TRAK1: variants seen among roughly 807,000 people sequenced by gnomAD.
TRAK1 encodes trafficking kinesin-binding protein 1.
In TRAK1, 33 loss-of-function variants were observed where a neutral mutation model predicts 92.1. The observed-to-expected ratio is 0.36, with a 90% CI of 0.27 to 0.48. The LOEUF (loss-of-function observed/expected upper bound fraction) is 0.48. Among genes scored for constraint, TRAK1 ranks in the 20% least tolerant of loss-of-function variants. The pLI, the probability that TRAK1 is intolerant of heterozygous loss-of-function variation, is 0.99. For synonymous variants in TRAK1, 521 were observed against 517.3 expected, an observed-to-expected ratio of 1.01 and a Z score of -0.10; for missense variants, 1,123 against 1,257.9, an observed-to-expected ratio of 0.89 and a Z score of 1.62.
intron 1 of TRAK1, among the ~76,000 whole-genome samples, chr3:42,106,718 A>C (rs1707619516): frequency 6.6e-6 from 1 of 152,216 alleles, no homozygotes; most frequent in Non-Finnish European, 1.5e-5. Flanking sequence ...AAATTGGTTC[A>C]AGTGAATGTG....
chr3:42,127,006 T>C (rs1710647990), intron 2 of TRAK1, among the ~76,000 whole-genome samples: 1 of 152,206 alleles, frequency 6.6e-6, no homozygotes, highest in African/African-American at 2.4e-5. Context: ...GTACTCATAT[T>C]GAAGTTAAAG....
At chr3:42,028,266 A>C (rs1701994277) in intron 1 of TRAK1, among the ~76,000 whole-genome samples, 2 of 152,202 alleles carry the variant, frequency 1.3e-5, no homozygotes, top group Non-Finnish European at 2.9e-5. Context: ...TTATTCCGGA[A>C]ATACATGGTT....
intron 2 of TRAK1, among the ~76,000 whole-genome samples, chr3:42,157,644 C>T (rs374693703): frequency 6.6e-6 from 1 of 151,934 alleles, no homozygotes; most frequent in South Asian, 2.1e-4. Context: ...AAGTGAGGGA[C>T]CTTCTACAAA....
intron 14 of TRAK1, among the ~76,000 whole-genome samples, chr3:42,214,311 G>A (rs909010163): frequency 6.6e-6 from 1 of 152,172 alleles, no homozygotes; most frequent in Non-Finnish European, 1.5e-5. Flanking sequence ...GTGCTCTCTT[G>A]TGCTGGCCTT....
intron 2 of TRAK1, chr3:42,149,719 C>G (rs1699742652): frequency 7.8e-7 from 1 of 1,275,476 alleles, no homozygotes; most frequent in Admixed American, 2.2e-5. Context: ...GGTACCAGAA[C>G]TAGCACCACT....
Position 42,160,240 on chromosome 3 carries a change from G to C in TRAK1, c.287-16574G>C, listed in dbSNP as rs2149297991. 3 of 1,519,192 alleles carry C rather than the reference G, an allele frequency of 2.0e-6. No homozygotes were observed. The South Asian group carries it at 4.0e-5, about 20-fold the overall frequency. The allele number at this position is 1,519,192 out of a possible 1,614,324, so 94.1% of individuals were successfully genotyped here. A position where few individuals can be genotyped will look rare whatever the true frequency, so the allele number is the denominator to read the frequency against. On this transcript the variant is annotated intron_variant, in intron 2 of 15. Transcript: ENST00000327628. The stretch of plus-strand genomic sequence containing the variant: ...TGAGCCAGGGCATGTCTGCGGCCCA[G>C]GCCAGGGCGCAGTGTGTGCCCTGGG...
chr3:42,058,102 C>T (rs1276952321), intron 1 of TRAK1, among the ~76,000 whole-genome samples: 1 of 152,120 alleles, frequency 6.6e-6, no homozygotes, highest in Non-Finnish European at 1.5e-5. Flanking sequence ...ACTGCTCTGC[C>T]ACAGTGGGCA....
intron 1 of TRAK1, among the ~76,000 whole-genome samples, chr3:42,040,425 G>T (rs2148901097): frequency 6.6e-6 from 1 of 152,232 alleles, no homozygotes; most frequent in South Asian, 2.1e-4. Flanking sequence ...ATTCAGGTTT[G>T]TGATACATTT....
Position 42,178,294 on chromosome 3 carries a change from C to T in TRAK1, c.363+1404C>T, listed in dbSNP as rs1163351234. The stretch of plus-strand genomic sequence containing the variant: ...GCCACCGTCCATGCCCTCTGTGACC[C>T]GCTCACCCTTTCTGTAAAGCTCCTC... On this transcript the variant is annotated intron_variant, in intron 3 of 15. Coordinates refer to ENST00000327628, the MANE Select transcript of TRAK1 (RefSeq NM_001042646.3). Among the ~76,000 whole-genome samples the T allele has an allele frequency of 7.2e-5, 11 of 152,082 alleles. 1 individual carries two copies. The highest frequency in any genetic ancestry group is 1.2e-4 in the Non-Finnish European group (8 of 68,030).
At chr3:42,199,274 GTT>G (rs1707187633) in intron 11 of TRAK1, 21 bp downstream of exon 11, 1 of 1,613,518 alleles carries the variant, frequency 6.2e-7, no homozygotes, top group African/African-American at 1.3e-5. Context: ...AGTTTTTACA[GTT>G]TTGAGATTCC....
intron 3 of TRAK1, among the ~76,000 whole-genome samples, chr3:42,178,930 A>T (rs528678460): frequency 6.6e-6 from 1 of 152,084 alleles, no homozygotes; most frequent in African/African-American, 2.4e-5. Flanking sequence ...CACCGAGATC[A>T]TGTCACTGCA....
chr3:42,160,207 A>C, intron 2 of TRAK1: 1 of 1,405,046 alleles, frequency 7.1e-7, no homozygotes, highest in Non-Finnish European at 9.3e-7. Flanking sequence ...ACACCCCTCC[A>C]CTTCAGCTGA....
intron 15 of TRAK1, among the ~76,000 whole-genome samples, chr3:42,221,586 G>A (rs1244270555): frequency 6.6e-6 from 1 of 152,138 alleles, no homozygotes; most frequent in Non-Finnish European, 1.5e-5. Context: ...CAGAGTACAT[G>A]GACTTCCTTC....
In TRAK1 at chr3:42,026,997, A is replaced by G. The variant is rs191160074; in HGVS notation, c.-519+12880A>G. ...AGGAAATGGGCTCTTATGTGAATGT[A>G]ACCTCAATGTATACTCTTTAATAAA... On this transcript the variant is annotated intron_variant, in intron 1 of 16. Transcript: ENST00000487159. 2.5e-3 allele frequency among the ~76,000 whole-genome samples: 382 copies of G among 152,310 alleles called. 1 individual carries two copies. The highest frequency in any genetic ancestry group is 8.2e-3 in the African/African-American group (342 of 41,552).
chr3:42,038,514 A>G (rs940124485), intron 1 of TRAK1, among the ~76,000 whole-genome samples: 4 of 152,202 alleles, frequency 2.6e-5, no homozygotes, highest in Non-Finnish European at 5.9e-5. Context: ...GGCCAGGCAC[A>G]GTGGCTCGCG....
chr3:42,108,561 G>A (rs1338960663), intron 1 of TRAK1, among the ~76,000 whole-genome samples: 1 of 149,228 alleles, frequency 6.7e-6, no homozygotes, highest in African/African-American at 2.5e-5. Flanking sequence ...CCCACATCAT[G>A]ACCCTGACAA....
At chr3:42,200,625 ATC>A (rs1423937747) in intron 11 of TRAK1, among the ~76,000 whole-genome samples, 191 bp from the exon 12 acceptor site, 1 of 152,180 alleles carries the variant, frequency 6.6e-6, no homozygotes, top group Non-Finnish European at 1.5e-5. Flanking sequence ...TGGGTGTTGA[ATC>A]TCTCAAATTT....
At chr3:42,113,277 A>G (rs1458084681) in intron 1 of TRAK1, among the ~76,000 whole-genome samples, 1 of 152,134 alleles carries the variant, frequency 6.6e-6, no homozygotes, top group Non-Finnish European at 1.5e-5. Context: ...TTGCCATTTA[A>G]CCATTAAAAA....
chr3:42,143,254 G>A (rs1217405178), intron 2 of TRAK1, among the ~76,000 whole-genome samples: 1 of 142,558 alleles, frequency 7.0e-6, no homozygotes, highest in Non-Finnish European at 1.5e-5. Context: ...TTCTCAATTT[G>A]TTTTCTCTGT....
Sources: allele counts gnomAD v4.1 joint callset (sites outside exome capture counted in the v4.1 genomes callset), GRCh38; gene constraint gnomAD v4.1.1; transcripts MANE v1.5; gene names NCBI Gene and HGNC (gene_info 2026-07-23, HGNC 2026-07-21).